The following CERS6 variants were observed in gnomAD, a reference collection of about 807,000 sequenced individuals.
The protein encoded by CERS6 is ceramide synthase 6.
A neutral mutation model predicts 56.8 loss-of-function variants in CERS6; 26 were observed. That is an observed-to-expected ratio of 0.46 (90% CI 0.34 to 0.63). The LOEUF (loss-of-function observed/expected upper bound fraction) is 0.63. Among genes scored for constraint, CERS6 ranks in the 30% least tolerant of loss-of-function variants. The probability of loss-of-function intolerance (pLI) is 0.01; values close to 1 mark genes in which losing one functional copy is unlikely to be tolerated. For synonymous variants in CERS6, 164 were observed against 173.3 expected, an observed-to-expected ratio of 0.95 and a Z score of 0.42; for missense variants, 415 against 467.5, an observed-to-expected ratio of 0.89 and a Z score of 1.04.
intron 4 of CERS6, among the ~76,000 whole-genome samples, chr2:168,645,181 A>AGAGAGAGAGAGAGT (rs1332171299): frequency 1.9e-4 from 23 of 120,654 alleles, no homozygotes; most frequent in Non-Finnish European, 3.9e-4. Context: ...AGAGAGAGAG[A>AGAGAGAGAGAGAGT]GAGAGAGAGT....
intron 3 of CERS6, among the ~76,000 whole-genome samples, chr2:168,619,609 C>T (rs1375958252): frequency 6.6e-6 from 1 of 151,970 alleles, no homozygotes; most frequent in Non-Finnish European, 1.5e-5. Flanking sequence ...GGAAAAAATG[C>T]TCAACATCAC....
chr2:168,644,201 G>T (rs1863149), intron 4 of CERS6: 184,686 of 932,042 alleles, frequency 0.2, 20,151 homozygotes, highest in South Asian at 0.39. Context: ...ATTACAGAAG[G>T]GGGAGGGAGG....
chr2:168,628,572 T>C (rs1684642552), intron 3 of CERS6, among the ~76,000 whole-genome samples: 1 of 152,226 alleles, frequency 6.6e-6, no homozygotes, highest in South Asian at 2.1e-4. Flanking sequence ...TACATCTCCT[T>C]CTTCCCAGTT....
chr2:168,690,704 G>T (rs895467451), intron 4 of CERS6, among the ~76,000 whole-genome samples: 2 of 152,108 alleles, frequency 1.3e-5, no homozygotes, highest in African/African-American at 4.8e-5. Flanking sequence ...TCTGGTTTCT[G>T]TGAGACCCCT....
chr2:168,712,264 C>T (rs1440686908), intron 6 of CERS6, among the ~76,000 whole-genome samples: 2 of 152,152 alleles, frequency 1.3e-5, no homozygotes, highest in African/African-American at 2.4e-5. Flanking sequence ...CTTTGTAAAC[C>T]AGATGTTCAG....
At chr2:168,577,871 T>G (rs535784300) in intron 3 of CERS6, among the ~76,000 whole-genome samples, 1 of 152,036 alleles carries the variant, frequency 6.6e-6, no homozygotes, top group South Asian at 2.1e-4. Context: ...ATTAATTTCT[T>G]TGTTTGGCCT....
Position 168,703,652 on chromosome 2 carries a change from A to G in CERS6, c.609+8601A>G, listed in dbSNP as rs966615294. ...TTGCTTGAAAAGCTAAAATCACACC[A>G]GATGACATCGGATCATCCTGGCAGG... On this transcript the variant is annotated intron_variant, in intron 6 of 9. Transcript: ENST00000305747. 2.0e-5 allele frequency among the ~76,000 whole-genome samples: 3 copies of G among 152,166 alleles called. No individual in the cohort carries two copies. The South Asian group carries it at 6.2e-4, about 32-fold the overall frequency.
chr2:168,721,569 T>TAAAACAA (rs1687370439), intron 8 of CERS6, among the ~76,000 whole-genome samples: 11 of 130,708 alleles, frequency 8.4e-5, no homozygotes, highest in African/African-American at 2.9e-4. Flanking sequence ...TTTTTTTGTT[T>TAAAACAA]AAAAAAAACC....
chr2:168,494,621 C>A (rs11897514), intron 1 of CERS6, among the ~76,000 whole-genome samples: 14,700 of 152,160 alleles, frequency 0.097, 818 homozygotes, highest in East Asian at 0.18. Context: ...ATCGACTTCA[C>A]TAGGGATGAC....
chr2:168,642,551 C>T lies in CERS6; in HGVS notation c.465+11509C>T, dbSNP rs73969672. Among the ~76,000 whole-genome samples, 1,498 of 152,250 alleles carry T rather than the reference C, an allele frequency of 9.8e-3. 26 individuals are homozygous for T. The highest frequency in any genetic ancestry group is 0.034 in the African/African-American group (1,419 of 41,540). Reference sequence around the variant, plus strand: ...GTGAGTGAAGGATGCTTCATGATGTCTCCATTACTACAATGTTAACAGAGT... The same window carrying T: ...GTGAGTGAAGGATGCTTCATGATGTTTCCATTACTACAATGTTAACAGAGT... On this transcript the variant is annotated intron_variant, in intron 4 of 9. Transcript: ENST00000305747.
At chr2:168,480,699 G>A (rs1399115915) in intron 1 of CERS6, among the ~76,000 whole-genome samples, 1 of 152,200 alleles carries the variant, frequency 6.6e-6, no homozygotes, top group East Asian at 1.9e-4. Context: ...TATGAGCTTG[G>A]AGGAATAGAA....
chr2:168,716,947 AAAT>A (rs1469422396), intron 7 of CERS6, among the ~76,000 whole-genome samples: 1 of 152,150 alleles, frequency 6.6e-6, no homozygotes, highest in Non-Finnish European at 1.5e-5. Flanking sequence ...AAGAAGTAGA[AAAT>A]AATGTTATAA....
intron 4 of CERS6, among the ~76,000 whole-genome samples, chr2:168,683,092 AATAG>A (rs1686261265): frequency 6.6e-6 from 1 of 152,232 alleles, no homozygotes; most frequent in Non-Finnish European, 1.5e-5. Flanking sequence ...ATAGAATTAT[AATAG>A]ATATCTATGT....
At chr2:168,503,113 G>T (rs1027523509) in intron 1 of CERS6, among the ~76,000 whole-genome samples, 1 of 152,074 alleles carries the variant, frequency 6.6e-6, no homozygotes, top group African/African-American at 2.4e-5. Flanking sequence ...AGATCTGATG[G>T]TTTTATAAGA....
chr2:168,531,142 C>T (rs751901043), intron 1 of CERS6, among the ~76,000 whole-genome samples: 1 of 152,070 alleles, frequency 6.6e-6, no homozygotes, highest in Non-Finnish European at 1.5e-5. Flanking sequence ...TGCAAGATGA[C>T]TTAATCTGTG....
chr2:168,725,521 A>G (rs938587937), intron 8 of CERS6, among the ~76,000 whole-genome samples: 2 of 152,274 alleles, frequency 1.3e-5, no homozygotes, highest in African/African-American at 4.8e-5. Context: ...GTAGAATCAG[A>G]TAGTTTCACT....
chr2:168,724,059 G>A (rs957680160), intron 8 of CERS6, among the ~76,000 whole-genome samples: 1 of 152,276 alleles, frequency 6.6e-6, no homozygotes, highest in Admixed American at 6.5e-5. Flanking sequence ...ATGAAGCCGC[G>A]GACCCTTGCG....
chr2:168,528,512 T>G (rs1274903472), intron 1 of CERS6, among the ~76,000 whole-genome samples: 3 of 152,244 alleles, frequency 2.0e-5, no homozygotes, highest in African/African-American at 4.8e-5. Flanking sequence ...AAATAATTTG[T>G]GATTTCTGTT....
intron 8 of CERS6, among the ~76,000 whole-genome samples, chr2:168,763,595 T>C (rs1684643371): frequency 6.6e-6 from 1 of 152,138 alleles, no homozygotes; most frequent in Non-Finnish European, 1.5e-5. Context: ...AAAGTACTTT[T>C]CTAACCTCTC....
Sources: allele counts gnomAD v4.1 joint callset (sites outside exome capture counted in the v4.1 genomes callset), GRCh38; gene constraint gnomAD v4.1.1; transcripts MANE v1.5; gene names NCBI Gene and HGNC (gene_info 2026-07-23, HGNC 2026-07-21).